Variants in GNA12 observed in about 807,000 individuals in gnomAD.
The protein encoded by GNA12 is guanine nucleotide-binding protein subunit alpha-12.
GNA12 carries 9 observed loss-of-function variants against 26.0 expected under a neutral mutation model. That is an observed-to-expected ratio of 0.35 (90% confidence interval 0.21 to 0.60). GNA12 has a LOEUF of 0.60. GNA12 is among the 20% of genes least tolerant of loss of function. The probability of loss-of-function intolerance (pLI) is 0.78; values close to 1 mark genes in which losing one functional copy is unlikely to be tolerated. For synonymous variants in GNA12, 264 were observed against 219.6 expected, an observed-to-expected ratio of 1.20 and a Z score of -1.79; for missense variants, 405 against 525.8, an observed-to-expected ratio of 0.77 and a Z score of 2.25.
At position 2,733,431 on chromosome 7, in the gene GNA12, G is replaced by A. The variant is rs186581134; in HGVS notation, c.576+20C>T. 268 of 1,610,006 alleles carry A rather than the reference G, an allele frequency of 1.7e-4. 2 individuals carry two copies. In the East Asian group the frequency reaches 4.9e-3, roughly 30 times the overall value. On this transcript the variant is annotated intron_variant, in intron 3 of 3. Transcript: ENST00000275364. ...TCTAACCCTGGAGCCCAGCTTCTTC[G>A]GGCGGGCGTGCTTACTCACCAGCTG...
At chr7:2,838,178 T>G (rs1778892868) in intron 1 of GNA12, among the ~76,000 whole-genome samples, 2 of 151,484 alleles carry the variant, frequency 1.3e-5, no homozygotes, top group South Asian at 4.2e-4. Context: ...GGACAGTTCA[T>G]GCCTGTAATC....
intron 1 of GNA12, among the ~76,000 whole-genome samples, chr7:2,803,293 G>A (rs980428827): frequency 2.0e-5 from 3 of 152,242 alleles, no homozygotes; most frequent in Non-Finnish European, 4.4e-5. Context: ...CTCACAGACA[G>A]GCTGTGGAGA....
chr7:2,811,914 G>A (rs187425921), intron 1 of GNA12, among the ~76,000 whole-genome samples: 7 of 152,282 alleles, frequency 4.6e-5, no homozygotes, highest in Admixed American at 3.9e-4. Flanking sequence ...CCATGTCCCC[G>A]TCCATCTTAT....
intron 1 of GNA12, among the ~76,000 whole-genome samples, chr7:2,842,083 G>GGGAAGGAAAGGAAGGAAAGGAAGGAAA (rs201517448): frequency 1.2e-5 from 1 of 86,000 alleles, no homozygotes; most frequent in Non-Finnish European, 2.8e-5. Flanking sequence ...AAAGGAAGGC[G>GGGAAGGAAAGGAAGGAAAGGAAGGAAA]GGAAGGAAAG....
chr7:2,786,993 C>T (rs1562427942), intron 2 of GNA12, among the ~76,000 whole-genome samples: 2 of 152,202 alleles, frequency 1.3e-5, no homozygotes. Context: ...GGGTTCAGCT[C>T]TGTCTGCTCT....
At chr7:2,793,957 T>C (rs1265176201) in intron 2 of GNA12, among the ~76,000 whole-genome samples, 1 of 151,074 alleles carries the variant, frequency 6.6e-6, no homozygotes, top group Non-Finnish European at 1.5e-5. Context: ...AGTACCTCAA[T>C]GAAAGAAGGA....
intron 2 of GNA12, among the ~76,000 whole-genome samples, chr7:2,761,542 G>A (rs553448898): frequency 2.0e-5 from 3 of 152,288 alleles, no homozygotes; most frequent in South Asian, 2.1e-4. Flanking sequence ...GGACAGCATC[G>A]CCCTCCAGAA....
At chr7:2,833,187 C>T (rs1454366059) in intron 1 of GNA12, among the ~76,000 whole-genome samples, 1 of 152,234 alleles carries the variant, frequency 6.6e-6, no homozygotes, top group African/African-American at 2.4e-5. Flanking sequence ...ATAGTTACGG[C>T]ATGAAATGAG....
intron 2 of GNA12, among the ~76,000 whole-genome samples, chr7:2,776,265 TGACTCTG>T (rs1379055379): frequency 2.0e-5 from 3 of 152,172 alleles, no homozygotes; most frequent in Non-Finnish European, 4.4e-5. Context: ...GAGTGAACAC[TGACTCTG>T]GACTGGGCTT....
chr7:2,835,585 A>C, intron 1 of GNA12: 1 of 573,670 alleles, frequency 1.7e-6, no homozygotes, highest in Non-Finnish European at 3.2e-6. Flanking sequence ...CTTGGGGGCA[A>C]AGTCCCATTG....
chr7:2,776,199 G>C (rs1228050339), intron 2 of GNA12, among the ~76,000 whole-genome samples: 1 of 152,200 alleles, frequency 6.6e-6, no homozygotes, highest in Non-Finnish European at 1.5e-5. Context: ...GCCTCCCAAA[G>C]TGCTGGGATT....
chr7:2,780,046 GTGTACATATATATATATATATATATATA>G (rs1292186566), intron 2 of GNA12, among the ~76,000 whole-genome samples: 7 of 85,834 alleles, frequency 8.2e-5, no homozygotes, highest in Middle Eastern at 5.7e-3. Flanking sequence ...ACACATTTCT[GTGTACATATATATATATATATATATATA>G]TATATATATA....
At chr7:2,736,779 TCAGG>T (rs1404843552) in intron 2 of GNA12, among the ~76,000 whole-genome samples, 4 of 152,214 alleles carry the variant, frequency 2.6e-5, no homozygotes, top group Non-Finnish European at 4.4e-5. Flanking sequence ...GTCAGCACCG[TCAGG>T]CAGGCACTGC....
At chr7:2,764,373 G>A (rs765578896) in intron 2 of GNA12, among the ~76,000 whole-genome samples, 2 of 151,680 alleles carry the variant, frequency 1.3e-5, no homozygotes, top group Non-Finnish European at 2.9e-5. Flanking sequence ...GTGTGCTCCC[G>A]CATCCAGGCA....
At chr7:2,789,793 G>C (rs1419967359) in intron 2 of GNA12, among the ~76,000 whole-genome samples, 1 of 152,190 alleles carries the variant, frequency 6.6e-6, no homozygotes. Context: ...GTGTGTGTGA[G>C]GCCTCATTCT....
At chr7:2,733,330 G>T in intron 3 of GNA12, 121 bp downstream of exon 3, 1 of 780,394 alleles carries the variant, frequency 1.3e-6, no homozygotes, top group Non-Finnish European at 2.2e-6. Context: ...TCGTGGTAAT[G>T]TGACAGAACA....
chr7:2,809,151 C>T (rs112934008), intron 1 of GNA12, among the ~76,000 whole-genome samples: 139 of 152,296 alleles, frequency 9.1e-4, no homozygotes, highest in African/African-American at 3.1e-3. Flanking sequence ...CACTCAGCAT[C>T]TCCTGTATGA....
chr7:2,737,268 TGTTTTG>T (rs1562394805), intron 2 of GNA12, among the ~76,000 whole-genome samples: 24,972 of 104,616 alleles, frequency 0.24, 4,008 homozygotes, highest in Non-Finnish European at 0.31. Flanking sequence ...CTCACAGTTT[TGTTTTG>T]TTTTTTTTTT....
At chr7:2,828,201 T>C (rs1387845132) in intron 1 of GNA12, among the ~76,000 whole-genome samples, 1 of 152,150 alleles carries the variant, frequency 6.6e-6, no homozygotes, top group Admixed American at 6.5e-5. Context: ...CAATTCAAAA[T>C]GAAAACTTCC....
Sources: gnomAD v4.1 joint callset for allele counts (sites outside exome capture counted in the v4.1 genomes callset) on GRCh38, gnomAD v4.1.1 for gene constraint, MANE v1.5 for transcripts, NCBI Gene and HGNC (gene_info 2026-07-23, HGNC 2026-07-21) for gene names.